Variants in GDA observed in about 807,000 individuals in gnomAD.
The protein encoded by GDA is cytoplasmic PSD-95 interactor.
Under a neutral mutation model 59.6 loss-of-function variants are expected in GDA, and 18 were observed. The observed-to-expected ratio is 0.30, with a 90% CI of 0.21 to 0.45. The LOEUF (loss-of-function observed/expected upper bound fraction) is 0.45, where lower values mean the gene tolerates loss of function less well. Ranked by LOEUF, GDA falls within the 20% of genes least tolerant of loss-of-function variation. The pLI is 1.00. For missense variants in GDA, 427 were observed against 552.3 expected (o/e 0.77, Z 2.27); for synonymous variants, 201 against 201.1 (o/e 1.00, Z 0.00).
chr9:72,202,916 G>A (rs1389405463), intron 3 of GDA, among the ~76,000 whole-genome samples, 174 bp downstream of exon 3: 1 of 152,204 alleles, frequency 6.6e-6, no homozygotes, highest in Non-Finnish European at 1.5e-5. Flanking sequence ...CACCTACACA[G>A]CTAGTCAGTG....
intron 11 of GDA, among the ~76,000 whole-genome samples, chr9:72,244,845 A>G (rs1839980745): frequency 6.6e-6 from 1 of 152,228 alleles, no homozygotes. Context: ...AATGAAAAGC[A>G]TAGACCAGCT....
chr9:72,170,495 G>T (rs1829833600), intron 1 of GDA, among the ~76,000 whole-genome samples: 1 of 152,142 alleles, frequency 6.6e-6, no homozygotes, highest in South Asian at 2.1e-4. Context: ...CTATATAAAA[G>T]GGATTCTATC....
At chr9:72,159,321 G>C (rs1156975754) in intron 1 of GDA, among the ~76,000 whole-genome samples, 1 of 152,132 alleles carries the variant, frequency 6.6e-6, no homozygotes, top group Non-Finnish European at 1.5e-5. Flanking sequence ...TTGAAACCAG[G>C]AGGTGGAGGT....
chr9:72,161,397 C>T (rs150569892), intron 1 of GDA, among the ~76,000 whole-genome samples: 9 of 152,180 alleles, frequency 5.9e-5, no homozygotes, highest in Non-Finnish European at 1.0e-4. Context: ...ACAGGATAAC[C>T]AGGTTATCTT....
chr9:72,246,344 C>T lies in GDA; in HGVS notation c.1267-1062C>T, dbSNP rs185421684. Among the ~76,000 whole-genome samples, 890 of 152,302 alleles carry T rather than the reference C, an allele frequency of 5.8e-3. 6 individuals are homozygous for T. The highest frequency in any genetic ancestry group is 0.02 in the African/African-American group (847 of 41,552). On this transcript the variant is annotated intron_variant, in intron 12 of 13. Transcript: ENST00000358399. ...TGTATTTTTGGTAGAGACAGGGTTT[C>T]ACCATGTTGGCCAAGCTGGTCTTGA...
intron 5 of GDA, among the ~76,000 whole-genome samples, chr9:72,217,825 A>C (rs1223182154): frequency 1.3e-5 from 2 of 152,126 alleles, no homozygotes; most frequent in Non-Finnish European, 2.9e-5. Flanking sequence ...CCATATAAAT[A>C]CTTTTCTTAT....
At chr9:72,129,110 G>T (rs1207489814) in intron 1 of GDA, among the ~76,000 whole-genome samples, 1 of 151,962 alleles carries the variant, frequency 6.6e-6, no homozygotes. Context: ...TTACAGGCAT[G>T]CGCCACCACA....
chr9:72,252,269 A>G (rs755718262), downstream of GDA: 3 of 152,672 alleles, frequency 2.0e-5, no homozygotes, highest in Non-Finnish European at 2.9e-5. Context: ...TGTGAATTCT[A>G]TCAATCTGCT....
At chr9:72,238,808 C>T (rs1176127200) in intron 10 of GDA, among the ~76,000 whole-genome samples, 1 of 152,178 alleles carries the variant, frequency 6.6e-6, no homozygotes, top group Non-Finnish European at 1.5e-5. Context: ...CTCCTCCACA[C>T]AGTTTCCACC....
intron 3 of GDA, among the ~76,000 whole-genome samples, chr9:72,204,440 A>T (rs1370190091): frequency 6.6e-6 from 1 of 152,144 alleles, no homozygotes; most frequent in Non-Finnish European, 1.5e-5. Context: ...CCAAGAAAAC[A>T]ATGTCTACTG....
intron 10 of GDA, among the ~76,000 whole-genome samples, chr9:72,234,813 TA>T (rs1587756134): frequency 6.6e-6 from 1 of 152,138 alleles, no homozygotes; most frequent in East Asian, 1.9e-4. Flanking sequence ...ACAAAACAAT[TA>T]AAAACCAGTT....
chr9:72,175,588 T>C (rs1379775987), intron 1 of GDA, among the ~76,000 whole-genome samples: 1 of 152,224 alleles, frequency 6.6e-6, no homozygotes, highest in Non-Finnish European at 1.5e-5. Context: ...CTTGTGTCAC[T>C]GACTTTTGGC....
chr9:72,176,659 G>A (rs904317458), intron 1 of GDA, among the ~76,000 whole-genome samples: 3 of 152,098 alleles, frequency 2.0e-5, no homozygotes, highest in African/African-American at 7.2e-5. Flanking sequence ...AGTGTTAATT[G>A]TTAGAAGCTT....
chr9:72,214,879 A>G (rs771820230), intron 5 of GDA: 8 of 184,390 alleles, frequency 4.3e-5, no homozygotes, highest in South Asian at 4.0e-4. Context: ...GATTACAGGC[A>G]CGTGCCACCA....
In GDA at chr9:72,213,980, G is replaced by A; in HGVS notation, c.567G>A (p.Lys189=). 6.4e-7 allele frequency: 1 copy of A among 1,572,280 alleles called. No homozygotes were observed. The highest frequency in any genetic ancestry group is 8.8e-7 in the Non-Finnish European group (1 of 1,141,972). ...EYKETTEESI[K]ETERFVSEML... ...AGGAGACCACTGAGGAATCGATCAAGGAAACTGAGAGGTAAAAGGCCCATT... is the reference window on the plus strand; with the variant it reads ...AGGAGACCACTGAGGAATCGATCAAAGAAACTGAGAGGTAAAAGGCCCATT... The change falls in exon 5 of 14, where the codon AAG becomes AAA. Residue 189 remains lysine (K), a synonymous_variant. Transcript: ENST00000358399.
intron 1 of GDA, among the ~76,000 whole-genome samples, chr9:72,174,118 A>C (rs1162179620): frequency 3.3e-5 from 5 of 152,170 alleles, no homozygotes; most frequent in African/African-American, 1.2e-4. Flanking sequence ...ATGACACTTC[A>C]AGGTTCTCTG....
chr9:72,213,775 C>T, intron 4 of GDA, 111 bp from the exon 5 acceptor site: 1 of 609,314 alleles, frequency 1.6e-6, no homozygotes, highest in Non-Finnish European at 2.8e-6. Flanking sequence ...TGCAATCTGG[C>T]CTGGGCTAAA....
chr9:72,127,105 G>T (rs1351098315), intron 1 of GDA, among the ~76,000 whole-genome samples: 4 of 151,962 alleles, frequency 2.6e-5, no homozygotes, highest in South Asian at 4.2e-4. Context: ...TCCTAGATTT[G>T]TAATTACTTA....
chr9:72,223,062 A>C (rs1837100859), intron 6 of GDA, 58 bp from the exon 7 acceptor site: 1 of 884,504 alleles, frequency 1.1e-6, no homozygotes, highest in East Asian at 2.5e-5. Flanking sequence ...ATCCATCTTG[A>C]GTTAATTTTT....
Sources: gnomAD v4.1 joint callset for allele counts (sites outside exome capture counted in the v4.1 genomes callset) on GRCh38, gnomAD v4.1.1 for gene constraint, MANE v1.5 for transcripts, NCBI Gene and HGNC (gene_info 2026-07-23, HGNC 2026-07-21) for gene names.